Variants in SQLE observed in about 807,000 individuals in gnomAD.
The protein encoded by SQLE is squalene monooxygenase.
A neutral mutation model predicts 60.7 loss-of-function variants in SQLE; 29 were observed. The ratio of observed to expected loss-of-function variants is 0.48; its 90% CI spans 0.36 to 0.65. The LOEUF is 0.65. SQLE is among the 30% of genes least tolerant of loss of function. The probability of loss-of-function intolerance (pLI) is 0.00; values close to 1 mark genes in which losing one functional copy is unlikely to be tolerated. For missense variants in SQLE, 605 were observed against 684.1 expected (o/e 0.88, Z 1.29); for synonymous variants, 237 against 246.8 (o/e 0.96, Z 0.37).
chr8:125,000,632 T>G (rs1202852303), intron 1 of SQLE, among the ~76,000 whole-genome samples: 3 of 151,934 alleles, frequency 2.0e-5, no homozygotes, highest in African/African-American at 7.3e-5. Flanking sequence ...TTTTTGTATT[T>G]TTGTGGAGAC....
intron 1 of SQLE, chr8:125,000,012 T>C (rs1400174767): frequency 1.9e-6 from 1 of 515,776 alleles, no homozygotes; most frequent in African/African-American, 1.9e-5. Context: ...GAAAAAGTTT[T>C]TAAAAAGTTC....
chr8:125,008,101 T>C (rs71531253), intron 4 of SQLE, among the ~76,000 whole-genome samples: 4,738 of 152,324 alleles, frequency 0.031, 105 homozygotes, highest in Non-Finnish European at 0.049. Flanking sequence ...TTTTGTTTTA[T>C]TTTTTGAGAC....
chr8:125,007,396 A>G lies in SQLE; in HGVS notation c.731A>G (p.Lys244Arg). ...RKAAMAEPNA[K>R]FIEGVVLQLL... ...TATTTTTTTTTATTCTTTAGTGCAA[A>G]GTTTATTGAAGGTGTTGTGTTACAG... Residue 244 changes from lysine to arginine, a missense_variant, in exon 4 of 11, where the codon AAG becomes AGG. Coordinates refer to ENST00000265896, the MANE Select transcript of SQLE (RefSeq NM_003129.4). 1.3e-6 allele frequency: 2 copies of G among 1,543,292 alleles called. No homozygotes were observed. The highest frequency in any genetic ancestry group is 1.7e-6 in the Non-Finnish European group (2 of 1,143,238).
In SQLE at chr8:124,999,508, C is replaced by T; in HGVS notation, c.105C>T (p.Phe35=). ...AGGTCCTGTTGTGCGTGCTGGTGTT[C>T]CTCTCGCTGGGCCTGGTGCTCTCCT... ...NREVLLCVLV[F]LSLGLVLSYR... The change falls in exon 1 of 11, where the codon TTC becomes TTT. Residue 35 remains phenylalanine, a synonymous_variant. Coordinates refer to ENST00000265896, the MANE Select transcript of SQLE (RefSeq NM_003129.4). 6.2e-7 allele frequency: 1 copy of T among 1,609,186 alleles called. No individual in the cohort carries two copies. Among genetic ancestry groups the T allele is most frequent in the Non-Finnish European group, 8.5e-7 (1 of 1,177,408 alleles).
chr8:125,001,231 C>CTGTT, intron 1 of SQLE, among the ~76,000 whole-genome samples: 1 of 152,208 alleles, frequency 6.6e-6, no homozygotes, highest in East Asian at 1.9e-4. Context: ...AATGCTGTTC[C>CTGTT]TGTTTTCATG....
rs1268003387 is a variant in SQLE at position 125,011,558 on chromosome 8, T to C, written c.1130T>C (p.Leu377Ser). ...GCAGATCACCTGAAAGAACCATTCT[T>C]AGAAGCCACTGACAATTCTCATCTG... is the stretch of plus-strand genomic sequence containing the variant. The part of the protein sequence containing the change: ...QIPDHLKEPF[L>S]EATDNSHLRS... The change falls in exon 7 of 11, where the codon TTA becomes TCA. Residue 377 changes from leucine (L) to serine (S), a missense_variant. Leu to Ser is a moderately radical substitution (Grantham distance 145). Transcript: ENST00000265896. 1 of 1,585,476 alleles carries C rather than the reference T, an allele frequency of 6.3e-7. No individual in the cohort carries two copies. The highest frequency in any genetic ancestry group is 1.2e-5 in the South Asian group (1 of 86,536).
intron 1 of SQLE, among the ~76,000 whole-genome samples, chr8:125,001,449 G>GCTGTGT (rs1554587048): frequency 7.3e-6 from 1 of 136,960 alleles, no homozygotes; most frequent in African/African-American, 2.8e-5. Context: ...CTCCTTTCAG[G>GCTGTGT]GTGTGTGTGT....
intron 6 of SQLE, chr8:125,011,328 C>A (rs186584083): frequency 3.4e-5 from 13 of 384,392 alleles, no homozygotes; most frequent in African/African-American, 2.5e-4. Context: ...CTCTTAGATT[C>A]CTTAGTCATT....
At position 125,018,135 on chromosome 8, in the gene SQLE, T is replaced by C. The variant is rs759939523; in HGVS notation, c.1281T>C (p.Asp427=). 10 of 1,613,808 alleles carry C rather than the reference T, an allele frequency of 6.2e-6. No individual in the cohort carries two copies. In the Admixed American group the frequency reaches 1.5e-4, roughly 24 times the overall value. ...TGGGMTVAFK[D]IKLWRKLLKG... ...GAGGAATGACTGTTGCTTTTAAAGA[T>C]ATAAAACTATGGAGAAAACTGCTAA... is the stretch of plus-strand genomic sequence containing the variant. Residue 427 remains aspartate (D), a synonymous_variant, in exon 8 of 11, where the codon GAT becomes GAC. Coordinates refer to ENST00000265896, the MANE Select transcript of SQLE (RefSeq NM_003129.4).
intron 7 of SQLE, among the ~76,000 whole-genome samples, chr8:125,013,309 T>A (rs926543852): frequency 2.0e-5 from 3 of 151,880 alleles, no homozygotes; most frequent in African/African-American, 7.3e-5. Flanking sequence ...TTAGGAAGGC[T>A]TTGTCCAATC....
chr8:125,005,612 C>A lies in SQLE; in HGVS notation c.632C>A (p.Pro211His). The A allele has an allele frequency of 6.2e-7, 1 of 1,612,404 alleles. No individual in the cohort carries two copies. The highest frequency in any genetic ancestry group is 1.1e-5 in the South Asian group (1 of 90,818). ...ESKSEVQIPY[P>H]LSENNQVQSG... The stretch of plus-strand genomic sequence containing the variant: ...AAATCAGAGGTTCAGATTCCTTACC[C>A]TCTGTCAGAAAACAATCAAGTGCAG... Residue 211 changes from proline (P) to histidine (H), a missense_variant, in exon 3 of 11, where the codon CCT becomes CAT. Transcript: ENST00000265896.
intron 9 of SQLE, among the ~76,000 whole-genome samples, chr8:125,020,320 C>G (rs548133954): frequency 6.6e-6 from 1 of 152,220 alleles, no homozygotes; most frequent in African/African-American, 2.4e-5. Flanking sequence ...TTATGAGTTA[C>G]TTTGAAAGGT....
intron 7 of SQLE, 83 bp from the exon 8 acceptor site, chr8:125,017,976 G>A: frequency 1.4e-6 from 2 of 1,419,754 alleles, no homozygotes; most frequent in East Asian, 2.3e-5. Context: ...GCTTACATCA[G>A]TAATCTTTAT....
Position 125,009,345 on chromosome 8 carries a change from T to C in SQLE, c.1108+2T>C, listed in dbSNP as rs1319339424. ...AAAAAATTTACCCACAAATACCTGG[T>C]AAGAAATAGCATCTTCAGTTCTTAC... On this transcript the variant is annotated splice_donor_variant, in intron 6 of 10. Transcript: ENST00000265896. LOFTEE classifies it high-confidence loss of function. 1 of 1,609,568 alleles carries C rather than the reference T, an allele frequency of 6.2e-7. No homozygotes were observed. The highest frequency in any genetic ancestry group is 1.3e-5 in the African/African-American group (1 of 74,930).
intron 10 of SQLE, 63 bp downstream of exon 10, chr8:125,020,934 G>A (rs1171272231): frequency 1.8e-5 from 20 of 1,093,578 alleles, no homozygotes; most frequent in Non-Finnish European, 2.6e-5. Flanking sequence ...TTCAGTTGAT[G>A]AATTACTGCA....
chr8:125,005,703 C>T lies in SQLE; in HGVS notation c.723C>T (p.Pro241=), dbSNP rs372074936. The change falls in exon 3 of 11, where the codon CCC becomes CCT. Residue 241 remains proline, a splice_region_variant and synonymous_variant. Transcript: ENST00000265896. ...MSLRKAAMAE[P]NAKFIEGVVL... ...TCCGGAAAGCAGCTATGGCAGAGCC[C>T]AAGTAAGACCACAGTTTCAAATATA... The T allele has an allele frequency of 2.2e-5, 35 of 1,557,370 alleles. No individual in the cohort carries two copies. The highest frequency in any genetic ancestry group is 3.1e-5 in the Non-Finnish European group (35 of 1,144,862).
intron 7 of SQLE, 78 bp from the exon 8 acceptor site, chr8:125,017,981 C>G: frequency 6.9e-7 from 1 of 1,448,668 alleles, no homozygotes; most frequent in South Asian, 1.2e-5. Flanking sequence ...CATCAGTAAT[C>G]TTTATACATT....
At chr8:125,001,838 T>C (rs1039545068) in intron 1 of SQLE, among the ~76,000 whole-genome samples, 34 of 152,192 alleles carry the variant, frequency 2.2e-4, no homozygotes, top group Middle Eastern at 3.2e-3. Context: ...TTTAGTCTTA[T>C]CTTAATCATT....
In SQLE at chr8:125,021,968, A is replaced by C. The variant is rs765313746; in HGVS notation, c.*23A>C. On this transcript the variant is annotated 3_prime_UTR_variant, in exon 11 of 11. Coordinates refer to ENST00000265896, the MANE Select transcript of SQLE (RefSeq NM_003129.4). ...TAAGCTTAAAGGGGAACCATTTGTG[A>C]ATGAATATTTGGAACTTACCAAGTC... is the stretch of plus-strand genomic sequence containing the variant. The C allele has an allele frequency of 3.9e-5, 61 of 1,548,992 alleles. No homozygotes were observed. In the East Asian group the frequency reaches 7.4e-4, roughly 19 times the overall value.
Sources: allele counts gnomAD v4.1 joint callset (sites outside exome capture counted in the v4.1 genomes callset), GRCh38; gene constraint gnomAD v4.1.1; transcripts MANE v1.5; gene names NCBI Gene and HGNC (gene_info 2026-07-23, HGNC 2026-07-21).